Variants in KDM1A observed in about 807,000 individuals in gnomAD.
The protein encoded by KDM1A is lysine-specific histone demethylase 1A.
In KDM1A, 49 loss-of-function variants were observed where a neutral mutation model predicts 109.4. That is an observed-to-expected ratio of 0.45 (90% CI 0.36 to 0.57). The LOEUF (loss-of-function observed/expected upper bound fraction) is 0.57, where lower values mean the gene tolerates loss of function less well. Among genes scored for constraint, KDM1A ranks in the 20% least tolerant of loss-of-function variants. The pLI is 0.00. For missense variants in KDM1A, 668 were observed against 1,116.6 expected, an observed-to-expected ratio of 0.60 and a Z score of 5.73; for synonymous variants, 380 against 415.4, an observed-to-expected ratio of 0.91 and a Z score of 1.04.
chr1:23,042,435 A>ATATTATTATTATTAT (rs1404004021), intron 2 of KDM1A, among the ~76,000 whole-genome samples: 1,767 of 58,512 alleles, frequency 0.03, 70 homozygotes, highest in Non-Finnish European at 0.036. Flanking sequence ...TCTATGAAAT[A>ATATTATTATTATTAT]TATTATTTTT....
intron 1 of KDM1A, among the ~76,000 whole-genome samples, chr1:23,025,627 G>A (rs935716347): frequency 2.6e-5 from 4 of 152,100 alleles, no homozygotes; most frequent in African/African-American, 9.7e-5. Flanking sequence ...ACTGCACCTG[G>A]CAGGTGTATT....
At chr1:23,040,158 GT>G in intron 2 of KDM1A, among the ~76,000 whole-genome samples, 2 of 152,276 alleles carry the variant, frequency 1.3e-5, no homozygotes, top group South Asian at 4.1e-4. Flanking sequence ...TTCTTAAAAT[GT>G]TTGTAATTTG....
At chr1:23,037,121 A>T (rs545535867) in intron 2 of KDM1A, among the ~76,000 whole-genome samples, 32 of 130,390 alleles carry the variant, frequency 2.5e-4, no homozygotes, top group Non-Finnish European at 5.0e-4. Context: ...CACTAAAAAA[A>T]ATATATATAC....
intron 1 of KDM1A, among the ~76,000 whole-genome samples, chr1:23,028,441 A>G (rs1265877972): frequency 6.6e-6 from 1 of 152,250 alleles, no homozygotes; most frequent in African/African-American, 2.4e-5. Context: ...ATAGTATCCA[A>G]TGGAACATCC....
At position 23,042,442 on chromosome 1, in the gene KDM1A, T is replaced by TATTA. The variant is rs61297026; in HGVS notation, c.518-1985_518-1984insATTA. On this transcript the variant is annotated intron_variant, in intron 2 of 20. Transcript: ENST00000400181. ...TTTAAAAATCTATGAAATATATTATTTTTTTTTTTTTTTTTTTTTTTTTTT... is the reference window on the plus strand; with the variant it reads ...TTTAAAAATCTATGAAATATATTATTATTATTTTTTTTTTTTTTTTTTTTTTTTT... Among the ~76,000 whole-genome samples the TATTA allele has an allele frequency of 5.0e-3, 89 of 17,710 alleles. 4 individuals carry two copies. The highest frequency in any genetic ancestry group is 0.062 in the Middle Eastern group (1 of 16). 11.6% of individuals were successfully genotyped at this position (17,710 alleles called of 152,430 possible). A position where few individuals can be genotyped will look rare whatever the true frequency, so the allele number is the denominator to read the frequency against.
In KDM1A at chr1:23,081,442, C is replaced by G; in HGVS notation, c.2171-4C>G. 6.2e-7 allele frequency: 1 copy of G among 1,613,964 alleles called. No individual in the cohort carries two copies. The highest frequency in any genetic ancestry group is 8.5e-7 in the Non-Finnish European group (1 of 1,179,912). ...CCCTAGAATTATCCTTTCTGTTTCC[C>G]CAGCTCCAATACTGTTGGCACTAGT... On this transcript the variant is annotated splice_region_variant and splice_polypyrimidine_tract_variant and intron_variant, in intron 18 of 20. Transcript: ENST00000400181.
chr1:23,059,174 C>A lies in KDM1A; in HGVS notation c.1167+7C>A. The stretch of plus-strand genomic sequence containing the variant: ...TGAAGCCAACGGACAAGCTGTAAGT[C>A]GAGGACAAACAGAACTTTCAACATT... On this transcript the variant is annotated splice_region_variant and intron_variant, in intron 9 of 20. Transcript: ENST00000400181. The A allele has an allele frequency of 2.5e-6, 4 of 1,604,832 alleles. No individual in the cohort carries two copies. Among genetic ancestry groups the A allele is most frequent in the Non-Finnish European group, 3.4e-6 (4 of 1,174,184 alleles).
intron 1 of KDM1A, among the ~76,000 whole-genome samples, chr1:23,029,803 C>T (rs1641922089): frequency 6.6e-6 from 1 of 152,144 alleles, no homozygotes; most frequent in African/African-American, 2.4e-5. Context: ...ACACACCCAG[C>T]TAATTTTTGT....
intron 3 of KDM1A, among the ~76,000 whole-genome samples, chr1:23,046,497 T>A (rs1194200084): frequency 6.6e-6 from 1 of 152,152 alleles, no homozygotes; most frequent in Non-Finnish European, 1.5e-5. Flanking sequence ...GTAACTCTCA[T>A]GGAGGCCTTC....
chr1:23,060,071 C>T (rs1036173356), intron 9 of KDM1A, among the ~76,000 whole-genome samples: 2 of 152,102 alleles, frequency 1.3e-5, no homozygotes, highest in Non-Finnish European at 2.9e-5. Context: ...TGGTTTCCAT[C>T]CCCACCATCA....
At chr1:23,021,002 A>G (rs998480830) in intron 1 of KDM1A, among the ~76,000 whole-genome samples, 4 of 152,242 alleles carry the variant, frequency 2.6e-5, no homozygotes, top group Non-Finnish European at 5.9e-5. Flanking sequence ...ATGTGCGTGT[A>G]GTCAACATTT....
At chr1:23,034,922 G>A (rs561418662) in intron 2 of KDM1A, among the ~76,000 whole-genome samples, 9 of 152,306 alleles carry the variant, frequency 5.9e-5, no homozygotes, top group African/African-American at 1.9e-4. Flanking sequence ...GCATGTGAGT[G>A]TGTGTATCAT....
Position 23,019,514 on chromosome 1 carries a change from A to G in KDM1A, c.-83A>G, listed in dbSNP as rs1300010449. 7.6e-7 allele frequency: 1 copy of G among 1,311,034 alleles called. No homozygotes were observed. Among genetic ancestry groups the G allele is most frequent in the Non-Finnish European group, 9.7e-7 (1 of 1,030,468 alleles). The allele number at this position is 1,311,034 out of a possible 1,614,324, so 81.2% of individuals were successfully genotyped here. ...GGTTGGCGGCGCGCGGGCAGCGTGAAGCGAGGCGAGGCAAGGCTTTTCGGA... is the reference window on the plus strand; with the variant it reads ...GGTTGGCGGCGCGCGGGCAGCGTGAGGCGAGGCGAGGCAAGGCTTTTCGGA... On this transcript the variant is annotated 5_prime_UTR_variant, in exon 1 of 21. Transcript: ENST00000400181.
intron 3 of KDM1A, among the ~76,000 whole-genome samples, chr1:23,045,172 C>G (rs998668244): frequency 6.6e-6 from 1 of 152,196 alleles, no homozygotes; most frequent in African/African-American, 2.4e-5. Flanking sequence ...AATAACGTAT[C>G]TGGATTTCAT....
At chr1:23,025,631 G>A (rs1641773371) in intron 1 of KDM1A, among the ~76,000 whole-genome samples, 1 of 152,076 alleles carries the variant, frequency 6.6e-6, no homozygotes, top group Admixed American at 6.5e-5. Flanking sequence ...CACCTGGCAG[G>A]TGTATTTTTT....
At chr1:23,057,643 T>A (rs1642870506) in intron 8 of KDM1A, 78 bp downstream of exon 8, 2 of 1,033,274 alleles carry the variant, frequency 1.9e-6, no homozygotes, top group East Asian at 4.8e-5. Context: ...AGATGCTATT[T>A]TAAAATGTAT....
intron 1 of KDM1A, among the ~76,000 whole-genome samples, chr1:23,028,296 C>T (rs1052184803): frequency 1.3e-5 from 2 of 152,192 alleles, no homozygotes; most frequent in African/African-American, 4.8e-5. Context: ...TCCCAAAGTG[C>T]TGGGATTACA....
At chr1:23,019,995 C>T in intron 1 of KDM1A, 48 bp downstream of exon 1, 1 of 1,419,642 alleles carries the variant, frequency 7.0e-7, no homozygotes, top group Non-Finnish European at 9.2e-7. Context: ...TGCCGAGCTT[C>T]CCCGAGGCTT....
chr1:23,033,807 C>T (rs901052398), intron 2 of KDM1A, among the ~76,000 whole-genome samples: 1 of 152,084 alleles, frequency 6.6e-6, no homozygotes, highest in African/African-American at 2.4e-5. Flanking sequence ...GGAATTTGAG[C>T]ATTAGGAGTG....
Sources: allele counts gnomAD v4.1 joint callset (sites outside exome capture counted in the v4.1 genomes callset), GRCh38; gene constraint gnomAD v4.1.1; transcripts MANE v1.5; gene names NCBI Gene and HGNC (gene_info 2026-07-23, HGNC 2026-07-21).